INPP5A: variants seen among roughly 807,000 people sequenced by gnomAD.
INPP5A encodes 43 kDa inositol polyphosphate 5-phophatase.
A neutral mutation model predicts 65.2 loss-of-function variants in INPP5A; 14 were observed. The observed-to-expected ratio is 0.21, with a 90% CI of 0.14 to 0.34. The LOEUF (loss-of-function observed/expected upper bound fraction) is 0.34, where lower values mean the gene tolerates loss of function less well. Ranked by LOEUF, INPP5A falls within the 10% of genes least tolerant of loss-of-function variation. The pLI, the probability that INPP5A is intolerant of heterozygous loss-of-function variation, is 1.00. For synonymous variants in INPP5A, 207 were observed against 208.3 expected (o/e 0.99, Z 0.05); for missense variants, 431 against 545.6 (o/e 0.79, Z 2.09).
intron 11 of INPP5A, among the ~76,000 whole-genome samples, chr10:132,754,573 T>A (rs1252266500): frequency 6.6e-6 from 1 of 152,242 alleles, no homozygotes; most frequent in Non-Finnish European, 1.5e-5. Context: ...AGGTTCAAGT[T>A]CACTTCAAAC....
Position 132,698,896 on chromosome 10 carries a change from C to T in INPP5A, c.474+977C>T, listed in dbSNP as rs543861995. 3.5e-4 allele frequency among the ~76,000 whole-genome samples: 54 copies of T among 152,340 alleles called. No individual in the cohort carries two copies. In the East Asian group the frequency reaches 3.7e-3, roughly 10 times the overall value. ...AACTTTATTAACTTGCTTTATGGCC[C>T]GCACCTTGAGTGAGGGACTGTGGCC... On this transcript the variant is annotated intron_variant, in intron 6 of 15. Coordinates refer to ENST00000368594, the MANE Select transcript of INPP5A (RefSeq NM_005539.5). This position sits in a 1 kb window ranked among gnomAD's most constrained non-coding sequence, Gnocchi z 5.5.
In INPP5A at chr10:132,650,596, G is replaced by A; in HGVS notation, c.306+91G>A. 1.1e-6 allele frequency: 1 copy of A among 902,394 alleles called. No individual in the cohort carries two copies. The allele number at this position is 902,394 out of a possible 1,614,324, so 55.9% of individuals were successfully genotyped here. On this transcript the variant is annotated intron_variant, in intron 4 of 15. Transcript: ENST00000368594. The surrounding 1 kb of genome is among the most constrained non-coding windows in gnomAD (Gnocchi z 5.5). ...TCCTGTGTAAATGGAGAGAGGTCGG[G>A]GTGCTCCCTGCCTGAAGCCTCACTC...
In INPP5A at chr10:132,779,678, C is replaced by T. The variant is rs114611797; in HGVS notation, c.1090-1171C>T. 8.7e-3 allele frequency among the ~76,000 whole-genome samples: 1,319 copies of T among 152,350 alleles called. 22 individuals carry two copies. The highest frequency in any genetic ancestry group is 0.03 in the African/African-American group (1,252 of 41,590). ...CTGCCTTCTGGGGCTGGAGTTTGGA[C>T]AGGCTCTCCCCATGGGGCCACCCAG... On this transcript the variant is annotated intron_variant, in intron 13 of 15. Transcript: ENST00000368594.
At chr10:132,767,736 C>T (rs1339520524) in intron 12 of INPP5A, among the ~76,000 whole-genome samples, 1 of 151,294 alleles carries the variant, frequency 6.6e-6, no homozygotes, top group Non-Finnish European at 1.5e-5. Flanking sequence ...TCAGCGTTCC[C>T]AGGGTGCCCA....
chr10:132,570,328 C>G (rs906290230), intron 1 of INPP5A, among the ~76,000 whole-genome samples: 9 of 152,262 alleles, frequency 5.9e-5, no homozygotes, highest in African/African-American at 1.9e-4. Context: ...TCACTGTTAA[C>G]TGTAGCCCTT....
intron 8 of INPP5A, among the ~76,000 whole-genome samples, chr10:132,724,267 G>A (rs1055943072): frequency 6.6e-6 from 1 of 152,216 alleles, no homozygotes. Context: ...GATGGGACAC[G>A]TTGAATAAAT....
chr10:132,540,164 T>C (rs1335308587), intron 1 of INPP5A, among the ~76,000 whole-genome samples: 4 of 152,250 alleles, frequency 2.6e-5, no homozygotes, highest in Non-Finnish European at 5.9e-5. Context: ...TTAAGCTTGC[T>C]GGGGCATTTT....
chr10:132,548,792 C>CTTTTTT (rs71013535), intron 1 of INPP5A, among the ~76,000 whole-genome samples: 41 of 79,300 alleles, frequency 5.2e-4, no homozygotes, highest in South Asian at 9.6e-4. Flanking sequence ...GTTTATCTGG[C>CTTTTTT]TTTTTTTTTT....
rs373892768 is a variant in INPP5A, at chr10:132,744,327, C to G, written c.733-5190C>G. 2.7e-3 allele frequency among the ~76,000 whole-genome samples: 418 copies of G among 152,326 alleles called. 6 individuals are homozygous for G. Among genetic ancestry groups the G allele is most frequent in the African/African-American group, 8.5e-3 (353 of 41,568 alleles). On this transcript the variant is annotated intron_variant, in intron 9 of 15. Transcript: ENST00000368594. The stretch of plus-strand genomic sequence containing the variant: ...CATGTGAGCCATCCCCCACCACCCA[C>G]AGGCCTCCCAGGAGGCCCTGCTCCC...
At chr10:132,654,586 A>G (rs1419961030) in intron 4 of INPP5A, among the ~76,000 whole-genome samples, 3 of 152,148 alleles carry the variant, frequency 2.0e-5, no homozygotes, top group South Asian at 2.1e-4. Context: ...CAGCCAGACA[A>G]TCACCCTCCT....
chr10:132,723,091 C>G (rs192992601), intron 8 of INPP5A, among the ~76,000 whole-genome samples: 1 of 152,152 alleles, frequency 6.6e-6, no homozygotes, highest in South Asian at 2.1e-4. Context: ...CAGAGCAGGG[C>G]GAGGAAGTGT....
intron 11 of INPP5A, among the ~76,000 whole-genome samples, chr10:132,755,275 C>T (rs1846576713): frequency 7.6e-6 from 1 of 130,794 alleles, no homozygotes; most frequent in Non-Finnish European, 1.6e-5. Context: ...GCATGTGAGC[C>T]TTCATGAGCG....
intron 9 of INPP5A, among the ~76,000 whole-genome samples, chr10:132,729,744 A>G (rs1462846173): frequency 6.6e-6 from 1 of 152,206 alleles, no homozygotes; most frequent in Non-Finnish European, 1.5e-5. Context: ...GATTCCCATC[A>G]CCAATAAACC....
chr10:132,633,532 C>T (rs1376586872), intron 2 of INPP5A, among the ~76,000 whole-genome samples: 3 of 152,134 alleles, frequency 2.0e-5, no homozygotes, highest in Admixed American at 6.5e-5. Context: ...GCCTGGGCAC[C>T]GCACCTCCTC....
intron 6 of INPP5A, among the ~76,000 whole-genome samples, chr10:132,708,033 G>C (rs777460405): frequency 6.6e-6 from 1 of 152,198 alleles, no homozygotes; most frequent in Non-Finnish European, 1.5e-5. Flanking sequence ...TCACATGGGG[G>C]CATGGGGCTC....
intron 2 of INPP5A, among the ~76,000 whole-genome samples, chr10:132,608,877 G>A (rs1459492056): frequency 6.6e-6 from 1 of 152,182 alleles, no homozygotes; most frequent in Non-Finnish European, 1.5e-5. Flanking sequence ...ATGGGGGTGT[G>A]GGACCTGGGG....
At position 132,547,496 on chromosome 10, in the gene INPP5A, A is replaced by G. The variant is rs1427797701; in HGVS notation, c.75+9325A>G. On this transcript the variant is annotated intron_variant, in intron 1 of 15. Coordinates refer to ENST00000368594, the MANE Select transcript of INPP5A (RefSeq NM_005539.5). The surrounding 1 kb of genome is among the most constrained non-coding windows in gnomAD (Gnocchi z 5.5). ...CCCGGGCCCAGCTGCCGTGGTGAAT[A>G]TAACCGGGAGGGAGTGCCCGCCTCT... Among the ~76,000 whole-genome samples the G allele has an allele frequency of 6.6e-6, 1 of 152,026 alleles. No individual in the cohort carries two copies. The highest frequency in any genetic ancestry group is 2.4e-5 in the African/African-American group (1 of 41,406).
chr10:132,760,509 A>T (rs1246254134), intron 11 of INPP5A, among the ~76,000 whole-genome samples: 1 of 152,222 alleles, frequency 6.6e-6, no homozygotes, highest in East Asian at 1.9e-4. Flanking sequence ...CAGCTGTGAA[A>T]GCTCTGGGGT....
chr10:132,646,063 C>T, intron 3 of INPP5A, 95 bp downstream of exon 3: 1 of 777,048 alleles, frequency 1.3e-6, no homozygotes, highest in Admixed American at 2.0e-5. Flanking sequence ...ACCAGCCTCA[C>T]CATTCGGGAC....
Sources: gnomAD v4.1 joint callset for allele counts (sites outside exome capture counted in the v4.1 genomes callset) on GRCh38, gnomAD v4.1.1 for gene constraint, Gnocchi (gnomAD v3.1) non-coding constraint, MANE v1.5 for transcripts, NCBI Gene and HGNC (gene_info 2026-07-23, HGNC 2026-07-21) for gene names.